Variants in PRDM5 observed in about 807,000 individuals in gnomAD.
The protein encoded by PRDM5 is PR/SET domain 5.
PRDM5 carries 56 observed loss-of-function variants against 81.2 expected under a neutral mutation model. That is an observed-to-expected ratio of 0.69 (90% confidence interval 0.56 to 0.86). The LOEUF (loss-of-function observed/expected upper bound fraction) is 0.86, where lower values mean the gene tolerates loss of function less well. PRDM5 is among the 40% of genes least tolerant of loss of function. The pLI is 0.00. For synonymous variants in PRDM5, 267 were observed against 256.4 expected, an observed-to-expected ratio of 1.04 and a Z score of -0.39; for missense variants, 697 against 770.1, an observed-to-expected ratio of 0.91 and a Z score of 1.12.
At chr4:120,742,895 C>G (rs915635011) in intron 14 of PRDM5, among the ~76,000 whole-genome samples, 5 of 152,120 alleles carry the variant, frequency 3.3e-5, no homozygotes, top group African/African-American at 1.2e-4. Context: ...TCTAGCAAGG[C>G]AGGCCAACGT....
intron 14 of PRDM5, among the ~76,000 whole-genome samples, chr4:120,721,420 CA>C (rs1738589151): frequency 6.6e-6 from 1 of 152,100 alleles, no homozygotes; most frequent in Non-Finnish European, 1.5e-5. Flanking sequence ...AATGCGCAAC[CA>C]GAAGTGAGAA....
chr4:120,876,268 TCA>T (rs917406616), intron 2 of PRDM5, among the ~76,000 whole-genome samples: 17 of 152,314 alleles, frequency 1.1e-4, no homozygotes, highest in South Asian at 4.1e-4. Flanking sequence ...TGCAAAAGAA[TCA>T]CAACCTGCAG....
chr4:120,702,171 C>T (rs1273840605), intron 15 of PRDM5, among the ~76,000 whole-genome samples: 1 of 152,232 alleles, frequency 6.6e-6, no homozygotes, highest in African/African-American at 2.4e-5. Context: ...CATTCCTCCT[C>T]ATCCTCTCCA....
chr4:120,828,613 T>G (rs1211682272), intron 3 of PRDM5, among the ~76,000 whole-genome samples: 1 of 152,088 alleles, frequency 6.6e-6, no homozygotes, highest in East Asian at 1.9e-4. Context: ...CTGAAGGGAA[T>G]TTGGCCCCAT....
At chr4:120,849,026 GA>G (rs1035696295) in intron 3 of PRDM5, among the ~76,000 whole-genome samples, 40 of 152,156 alleles carry the variant, frequency 2.6e-4, no homozygotes, top group African/African-American at 9.4e-4. Context: ...AATCTGGTAA[GA>G]AAAAACAGAA....
intron 1 of PRDM5, among the ~76,000 whole-genome samples, chr4:120,911,881 T>A (rs1766555440): frequency 6.6e-6 from 1 of 152,192 alleles, no homozygotes; most frequent in South Asian, 2.1e-4. Flanking sequence ...TCTCATTTGC[T>A]ATCATTAGAG....
intron 3 of PRDM5, among the ~76,000 whole-genome samples, chr4:120,837,122 T>C (rs149278752): frequency 1.3e-5 from 2 of 152,098 alleles, no homozygotes; most frequent in African/African-American, 4.8e-5. Context: ...CAATACTAAG[T>C]CTAAAAGGAC....
chr4:120,917,679 T>TA (rs59237440), intron 1 of PRDM5, among the ~76,000 whole-genome samples: 11 of 142,792 alleles, frequency 7.7e-5, no homozygotes, highest in African/African-American at 2.8e-4. Context: ...AGTCAGACAT[T>TA]AAAAAAAAAA....
chr4:120,896,627 A>G (rs1764641295), intron 2 of PRDM5: 1 of 151,098 alleles, frequency 6.6e-6, no homozygotes, highest in South Asian at 2.1e-4. Context: ...GTCTATTTCA[A>G]TTTGTGCAAC....
At chr4:120,796,608 T>A (rs1751384139) in intron 10 of PRDM5, among the ~76,000 whole-genome samples, 3 of 152,164 alleles carry the variant, frequency 2.0e-5, no homozygotes, top group Admixed American at 2.0e-4. Context: ...GCAGCAGTAA[T>A]GAACGCAGTC....
At chr4:120,919,697 T>A (rs1015833570) in intron 1 of PRDM5, among the ~76,000 whole-genome samples, 1 of 152,232 alleles carries the variant, frequency 6.6e-6, no homozygotes, top group African/African-American at 2.4e-5. Context: ...TTAATCTGCA[T>A]AATACTTTGC....
At chr4:120,727,706 C>T (rs1180010915) in intron 14 of PRDM5, among the ~76,000 whole-genome samples, 3 of 152,040 alleles carry the variant, frequency 2.0e-5, no homozygotes, top group African/African-American at 7.2e-5. Flanking sequence ...GCGGCTGAGG[C>T]GGGTGGATCA....
rs537279549 is a variant in PRDM5 at position 120,710,479 on chromosome 4, T to C, written c.1624-66A>G. 1.6e-6 allele frequency: 2 copies of C among 1,282,596 alleles called. 1 individual carries two copies. The highest frequency in any genetic ancestry group is 4.6e-5 in the East Asian group (2 of 43,026). The allele number at this position is 1,282,596 out of a possible 1,614,324, so 79.5% of individuals were successfully genotyped here. On this transcript the variant is annotated intron_variant, in intron 14 of 15. Transcript: ENST00000264808. ...TGAATGAATGCAGAGTCCTCCATAT[T>C]CAGGTGTGTGTTATGGGATCCACAG...
chr4:120,921,307 A>G (rs931836083), intron 1 of PRDM5, among the ~76,000 whole-genome samples: 8 of 152,252 alleles, frequency 5.3e-5, no homozygotes, highest in Admixed American at 1.3e-4. Context: ...CAACTATTCA[A>G]TACACCTCTA....
chr4:120,738,437 A>G (rs979249073), intron 14 of PRDM5, among the ~76,000 whole-genome samples: 8 of 152,352 alleles, frequency 5.3e-5, no homozygotes, highest in African/African-American at 1.7e-4. Flanking sequence ...TAACTTATTT[A>G]TATAAATTTC....
At chr4:120,873,537 C>A (rs1467488813) in intron 2 of PRDM5, among the ~76,000 whole-genome samples, 1 of 152,208 alleles carries the variant, frequency 6.6e-6, no homozygotes, top group African/African-American at 2.4e-5. Context: ...CATTTCTTCA[C>A]CTCCCACAAA....
rs147167507 is a variant in PRDM5, at chr4:120,913,221, A to G, written c.94-5664T>C. On this transcript the variant is annotated intron_variant, in intron 1 of 15. Transcript: ENST00000264808. The stretch of plus-strand genomic sequence containing the variant: ...CAAGTTCTTAAATGAAGCTGAGTCA[A>G]CTAGAAAGTATACCTAATCCTGTTT... Among the ~76,000 whole-genome samples the G allele has an allele frequency of 2.9e-3, 435 of 152,378 alleles. 2 individuals are homozygous for G. Among genetic ancestry groups the G allele is most frequent in the African/African-American group, 0.01 (419 of 41,592 alleles).
chr4:120,714,421 C>T (rs1737456716), intron 14 of PRDM5, among the ~76,000 whole-genome samples: 1 of 152,024 alleles, frequency 6.6e-6, no homozygotes, highest in Admixed American at 6.6e-5. Context: ...CTCTTTTCAG[C>T]TTGCTGTTTA....
chr4:120,819,483 C>A (rs1754980421), intron 4 of PRDM5, among the ~76,000 whole-genome samples: 1 of 151,846 alleles, frequency 6.6e-6, no homozygotes, highest in Admixed American at 6.6e-5. Context: ...AACAAACCTG[C>A]ACATTGTGCA....
Sources: allele counts gnomAD v4.1 joint callset (sites outside exome capture counted in the v4.1 genomes callset), GRCh38; gene constraint gnomAD v4.1.1; transcripts MANE v1.5; gene names NCBI Gene and HGNC (gene_info 2026-07-23, HGNC 2026-07-21).